PARD3B: variants seen among roughly 807,000 people sequenced by gnomAD.
The protein encoded by PARD3B is partitioning defective 3 homolog B.
A neutral mutation model predicts 130.2 loss-of-function variants in PARD3B; 103 were observed. That is an observed-to-expected ratio of 0.79 (90% confidence interval 0.67 to 0.93). PARD3B has a LOEUF of 0.93. Among genes scored for constraint, PARD3B ranks in the 40% least tolerant of loss-of-function variants. PARD3B has a pLI of 0.00. For missense variants in PARD3B, 1,609 were observed against 1,499.2 expected (o/e 1.07, Z -1.21); for synonymous variants, 583 against 553.2 (o/e 1.05, Z -0.76).
At chr2:204,775,202 T>A (rs910109335) in intron 2 of PARD3B, among the ~76,000 whole-genome samples, 2 of 152,154 alleles carry the variant, frequency 1.3e-5, no homozygotes, top group African/African-American at 4.8e-5. Flanking sequence ...AAGTGTCGTA[T>A]AATACGTGAG....
At position 204,864,270 on chromosome 2, in the gene PARD3B, A is replaced by C. The variant is rs571853937; in HGVS notation, c.223-100882A>C. ...TTTACAATGGGACCCATTTTTTTCC[A>C]TGATAAAACCATCCAGTCACAATAA... On this transcript the variant is annotated intron_variant, in intron 2 of 22. Coordinates refer to ENST00000406610, the MANE Select transcript of PARD3B (RefSeq NM_001302769.2). Among the ~76,000 whole-genome samples the C allele has an allele frequency of 1.5e-4, 23 of 152,214 alleles. No individual in the cohort carries two copies. The South Asian group carries it at 4.6e-3, about 30-fold the overall frequency.
chr2:205,355,933 G>A (rs1245046895), intron 18 of PARD3B, among the ~76,000 whole-genome samples: 7 of 152,138 alleles, frequency 4.6e-5, no homozygotes, highest in African/African-American at 2.4e-5. Context: ...GAAAAGCATG[G>A]GGAAACTGCC....
At chr2:205,427,817 G>T (rs1274030459) in intron 19 of PARD3B, among the ~76,000 whole-genome samples, 1 of 152,052 alleles carries the variant, frequency 6.6e-6, no homozygotes, top group Non-Finnish European at 1.5e-5. Context: ...TCAGGAAAAA[G>T]AATTACTTCA....
chr2:205,403,092 C>T (rs2046307568), intron 19 of PARD3B, among the ~76,000 whole-genome samples: 1 of 151,584 alleles, frequency 6.6e-6, no homozygotes, highest in Non-Finnish European at 1.5e-5. Flanking sequence ...CATGATATGG[C>T]AATGAAAAAA....
chr2:204,578,355 CA>C (rs543189132), intron 1 of PARD3B, among the ~76,000 whole-genome samples: 61 of 152,232 alleles, frequency 4.0e-4, no homozygotes, highest in Non-Finnish European at 7.2e-4. Context: ...TCACAAATTC[CA>C]AACTTAAGGA....
intron 10 of PARD3B, among the ~76,000 whole-genome samples, chr2:205,149,707 C>A (rs1330276861): frequency 1.3e-5 from 2 of 152,208 alleles, no homozygotes; most frequent in African/African-American, 4.8e-5. Flanking sequence ...TATGAACAGG[C>A]AGCAATGCAG....
chr2:205,022,769 A>T (rs940710335), intron 3 of PARD3B, among the ~76,000 whole-genome samples: 3 of 152,282 alleles, frequency 2.0e-5, no homozygotes, highest in South Asian at 4.1e-4. Flanking sequence ...ATAACCATGG[A>T]TAATTGTAAA....
intron 2 of PARD3B, among the ~76,000 whole-genome samples, chr2:204,924,144 T>G (rs1687405756): frequency 6.6e-6 from 1 of 152,056 alleles, no homozygotes; most frequent in Admixed American, 6.6e-5. Flanking sequence ...GTGTAAGATG[T>G]GTGCTTTGAC....
intron 22 of PARD3B, among the ~76,000 whole-genome samples, chr2:205,581,257 T>TATAGATATATATAG (rs1553552259): frequency 8.3e-6 from 1 of 120,928 alleles, no homozygotes; most frequent in Non-Finnish European, 1.8e-5. Context: ...TATAGATATA[T>TATAGATATATATAG]ATAGATATAG....
At chr2:205,217,731 TACAC>T (rs1559552570) in intron 15 of PARD3B, among the ~76,000 whole-genome samples, 69 of 150,368 alleles carry the variant, frequency 4.6e-4, no homozygotes, top group African/African-American at 1.7e-3. Flanking sequence ...CACATACATA[TACAC>T]ATATATGTAT....
chr2:205,331,289 A>ACACACG (rs2043117440), intron 18 of PARD3B, among the ~76,000 whole-genome samples: 1 of 151,406 alleles, frequency 6.6e-6, no homozygotes, highest in South Asian at 2.1e-4. Flanking sequence ...ACACACACAC[A>ACACACG]CGTACACATA....
At chr2:204,819,876 G>A (rs2043277242) in intron 2 of PARD3B, among the ~76,000 whole-genome samples, 1 of 152,082 alleles carries the variant, frequency 6.6e-6, no homozygotes, top group South Asian at 2.1e-4. Context: ...AACGAAGGCT[G>A]AGAAGAGGTG....
At position 205,230,661 on chromosome 2, in the gene PARD3B, C is replaced by G. The variant is rs149430162; in HGVS notation, c.2141-15117C>G. Among the ~76,000 whole-genome samples, 41 of 152,280 alleles carry G rather than the reference C, an allele frequency of 2.7e-4. No individual in the cohort carries two copies. The East Asian group carries it at 5.0e-3, about 19-fold the overall frequency. Reference sequence around the variant, plus strand: ...CGGCTGTCTCACTAGGTTATTACCCCCCAAGTCCACTTACTCCAAGCCCAG... The same window carrying G: ...CGGCTGTCTCACTAGGTTATTACCCGCCAAGTCCACTTACTCCAAGCCCAG... On this transcript the variant is annotated intron_variant, in intron 15 of 22. Transcript: ENST00000406610. The surrounding 1 kb of genome is among the most constrained non-coding windows in gnomAD (Gnocchi z 4.1).
chr2:204,977,966 G>A (rs886239127), intron 3 of PARD3B, among the ~76,000 whole-genome samples: 7 of 152,160 alleles, frequency 4.6e-5, no homozygotes, highest in Non-Finnish European at 1.0e-4. Context: ...GATGGCAAGT[G>A]CAGCCACTTT....
chr2:205,118,329 G>C (rs963780707), intron 6 of PARD3B, among the ~76,000 whole-genome samples: 1 of 152,074 alleles, frequency 6.6e-6, no homozygotes. Context: ...ACCTGGTCCT[G>C]GTCCTATGAC....
chr2:205,411,704 C>T (rs972330101), intron 19 of PARD3B, among the ~76,000 whole-genome samples: 2 of 152,040 alleles, frequency 1.3e-5, no homozygotes, highest in African/African-American at 4.8e-5. Context: ...CCAAGTTGAG[C>T]GGAGACTTTG....
At chr2:205,425,176 A>C (rs981416753) in intron 19 of PARD3B, among the ~76,000 whole-genome samples, 2 of 152,176 alleles carry the variant, frequency 1.3e-5, no homozygotes, top group Admixed American at 1.3e-4. Flanking sequence ...AGTTGTTATC[A>C]GAGAATATCA....
At chr2:205,484,572 T>C (rs1229795613) in intron 20 of PARD3B, among the ~76,000 whole-genome samples, 2 of 152,164 alleles carry the variant, frequency 1.3e-5, no homozygotes. Flanking sequence ...TTATTTTTCA[T>C]GCTCTTCCAA....
At chr2:204,883,407 A>T (rs1405949567) in intron 2 of PARD3B, among the ~76,000 whole-genome samples, 1 of 108,916 alleles carries the variant, frequency 9.2e-6, no homozygotes, top group African/African-American at 3.5e-5. Context: ...TATATATATT[A>T]TATATATATA....
Sources: allele counts gnomAD v4.1 joint callset (sites outside exome capture counted in the v4.1 genomes callset), GRCh38; gene constraint gnomAD v4.1.1; non-coding constraint Gnocchi (gnomAD v3.1); transcripts MANE v1.5; gene names NCBI Gene and HGNC (gene_info 2026-07-23, HGNC 2026-07-21).